Variants in AFF1 observed in about 807,000 individuals in gnomAD.
AFF1 encodes the protein ALF transcription elongation factor 1.
A neutral mutation model predicts 121.7 loss-of-function variants in AFF1; 48 were observed. The ratio of observed to expected loss-of-function variants is 0.39; its 90% CI spans 0.31 to 0.50. The LOEUF (loss-of-function observed/expected upper bound fraction) is 0.50, where lower values mean the gene tolerates loss of function less well. Among genes scored for constraint, AFF1 ranks in the 20% least tolerant of loss-of-function variants. AFF1 has a pLI of 0.76. For synonymous variants in AFF1, 613 were observed against 563.0 expected, an observed-to-expected ratio of 1.09 and a Z score of -1.26; for missense variants, 1,523 against 1,511.7, an observed-to-expected ratio of 1.01 and a Z score of -0.12.
Position 87,115,069 on chromosome 4 carries a change from C to T in AFF1, c.2236C>T (p.Leu746Phe), listed in dbSNP as rs1056750382. 6.2e-7 allele frequency: 1 copy of T among 1,614,192 alleles called. No homozygotes were observed. The highest frequency in any genetic ancestry group is 8.5e-7 in the Non-Finnish European group (1 of 1,180,028). The change falls in exon 12 of 21, where the codon CTC becomes TTC. Residue 746 changes from leucine to phenylalanine, a missense_variant. Around this residue, in one of 5 missense-constraint regions of AFF1, gnomAD observed 905 missense variants for 842.5 expected, o/e 1.07. Coordinates refer to ENST00000395146, the MANE Select transcript of AFF1 (RefSeq NM_001166693.3). ...VVQEDSRKDRLPLPLRDTKLL... is the reference protein window; with the variant it reads ...VVQEDSRKDRFPLPLRDTKLL... Reference sequence around the variant, plus strand: ...CCAGGAGGACAGCCGCAAAGACAGACTCCCATTGCCTTTGAGAGACACCAA... The same window carrying T: ...CCAGGAGGACAGCCGCAAAGACAGATTCCCATTGCCTTTGAGAGACACCAA...
intron 2 of AFF1, among the ~76,000 whole-genome samples, chr4:87,013,666 CTTT>C (rs11322791): frequency 1.5e-5 from 2 of 135,360 alleles, no homozygotes; most frequent in Admixed American, 7.4e-5. Flanking sequence ...AAGATCTTAC[CTTT>C]TTTTTTTTTT....
intron 2 of AFF1, among the ~76,000 whole-genome samples, chr4:87,036,363 C>CA (rs1442509574): frequency 6.6e-6 from 1 of 152,092 alleles, no homozygotes; most frequent in Non-Finnish European, 1.5e-5. Flanking sequence ...TTTATTAACC[C>CA]CTAGCTGTAG....
chr4:87,035,676 C>T (rs972063183), intron 2 of AFF1, among the ~76,000 whole-genome samples: 29 of 152,088 alleles, frequency 1.9e-4, no homozygotes, highest in Admixed American at 1.7e-3. Context: ...AAATCAGTGA[C>T]GCAGCTTTGT....
intron 2 of AFF1, among the ~76,000 whole-genome samples, chr4:87,006,536 G>A (rs1458173168): frequency 6.6e-6 from 1 of 152,192 alleles, no homozygotes; most frequent in Non-Finnish European, 1.5e-5. Flanking sequence ...CTCTATGTAA[G>A]GAAATCAAAA....
intron 2 of AFF1, among the ~76,000 whole-genome samples, chr4:87,045,788 G>T (rs1730628061): frequency 6.6e-6 from 1 of 152,122 alleles, no homozygotes; most frequent in Non-Finnish European, 1.5e-5. Flanking sequence ...GCTGACTCCT[G>T]CAGATGAAAA....
intron 8 of AFF1, among the ~76,000 whole-genome samples, chr4:87,099,579 T>C (rs1213054067): frequency 6.6e-6 from 1 of 152,168 alleles, no homozygotes; most frequent in Non-Finnish European, 1.5e-5. Context: ...TGGCTAATTT[T>C]TGTATTTTTA....
chr4:86,941,292 C>T (rs1167054293), intron 1 of AFF1, among the ~76,000 whole-genome samples: 1 of 152,148 alleles, frequency 6.6e-6, no homozygotes, highest in Non-Finnish European at 1.5e-5. Context: ...GGGAGGATTG[C>T]ATGAGCTCAT....
At chr4:86,973,726 TTTTTCCTTTCTCTTTTCTC>T (rs1374941018) in intron 2 of AFF1, 3 of 152,188 alleles carry the variant, frequency 2.0e-5, no homozygotes, top group Non-Finnish European at 2.9e-5. Flanking sequence ...TTTCTTTTCT[TTTTTCCTTTCTCTTTTCTC>T]TTTTCCTTTC....
chr4:87,019,740 A>G (rs1203255309), intron 2 of AFF1, among the ~76,000 whole-genome samples: 12 of 152,200 alleles, frequency 7.9e-5, no homozygotes, highest in Non-Finnish European at 1.5e-4. Context: ...TGTCCTTTAC[A>G]ATAAACCGTT....
chr4:87,032,194 G>A (rs1255835089), intron 2 of AFF1, among the ~76,000 whole-genome samples: 1 of 152,148 alleles, frequency 6.6e-6, no homozygotes, highest in African/African-American at 2.4e-5. Context: ...GAGGTGAGCT[G>A]GGGTTATGAT....
At chr4:87,060,835 CAAAAAAAAAAAAAAAAAAA>C (rs749186199) in intron 4 of AFF1, among the ~76,000 whole-genome samples, 1 of 62,296 alleles carries the variant, frequency 1.6e-5, no homozygotes, top group Non-Finnish European at 3.2e-5. Flanking sequence ...GACTCTGTCT[CAAAAAAAAAAAAAAAAAAA>C]AAAAAAAAAA....
chr4:87,127,974 G>A (rs1728463803), intron 16 of AFF1, among the ~76,000 whole-genome samples: 1 of 152,208 alleles, frequency 6.6e-6, no homozygotes, highest in Non-Finnish European at 1.5e-5. Context: ...ATCATGGGCA[G>A]ATATACAAAG....
intron 2 of AFF1, among the ~76,000 whole-genome samples, chr4:86,959,962 A>C (rs1722028393): frequency 1.3e-5 from 2 of 152,204 alleles, no homozygotes; most frequent in Non-Finnish European, 2.9e-5. Context: ...CCTCGTTTGC[A>C]AATGAAAGGA....
intron 4 of AFF1, among the ~76,000 whole-genome samples, chr4:87,071,018 C>T (rs990948179): frequency 1.3e-5 from 2 of 152,126 alleles, no homozygotes; most frequent in East Asian, 3.8e-4. Flanking sequence ...GGAAGAAGAA[C>T]CCCCAATTTT....
intron 2 of AFF1, among the ~76,000 whole-genome samples, chr4:86,976,632 G>A (rs1723322571): frequency 6.6e-6 from 1 of 152,082 alleles, no homozygotes; most frequent in African/African-American, 2.4e-5. Flanking sequence ...GGAGGGGGAG[G>A]ATTGAAAAAT....
intron 2 of AFF1, among the ~76,000 whole-genome samples, chr4:86,996,190 C>T (rs1381435796): frequency 1.3e-5 from 2 of 152,026 alleles, no homozygotes; most frequent in South Asian, 2.1e-4. Context: ...AGTGAGGAGC[C>T]CCTCTGCCTG....
chr4:87,084,224 C>A, intron 5 of AFF1, 60 bp downstream of exon 5: 1 of 1,538,354 alleles, frequency 6.5e-7, no homozygotes, highest in Non-Finnish European at 9.0e-7. Context: ...GGCGTACATC[C>A]ATTTACTTTC....
chr4:87,078,361 G>C (rs975401076), intron 4 of AFF1, among the ~76,000 whole-genome samples: 2 of 152,120 alleles, frequency 1.3e-5, no homozygotes, highest in Admixed American at 1.3e-4. Context: ...TCTGAGTTCC[G>C]GGACTGAAAA....
chr4:86,945,596 G>A (rs1174171007), intron 1 of AFF1, among the ~76,000 whole-genome samples: 1 of 150,392 alleles, frequency 6.6e-6, no homozygotes, highest in Non-Finnish European at 1.5e-5. Context: ...TCCTTCCTGG[G>A]CTCAACCAAT....
Sources: allele counts gnomAD v4.1 joint callset (sites outside exome capture counted in the v4.1 genomes callset), GRCh38; gene constraint gnomAD v4.1.1; regional missense constraint gnomAD v4.1.1; transcripts MANE v1.5; gene names NCBI Gene and HGNC (gene_info 2026-07-23, HGNC 2026-07-21).